The following TENM3 variants were observed in gnomAD, a reference collection of about 807,000 sequenced individuals.
The protein encoded by TENM3 is teneurin-3.
Under a neutral mutation model 255.1 loss-of-function variants are expected in TENM3, and 63 were observed. The ratio of observed to expected loss-of-function variants is 0.25; its 90% CI spans 0.20 to 0.30. The LOEUF is 0.30. TENM3 is among the 10% of genes least tolerant of loss of function. The pLI, the probability that TENM3 is intolerant of heterozygous loss-of-function variation, is 1.00. For synonymous variants in TENM3, 1,306 were observed against 1,322.3 expected (o/e 0.99, Z 0.27); for missense variants, 2,929 against 3,461.1 (o/e 0.85, Z 3.86).
the TENM3 span, among the ~76,000 whole-genome samples, chr4:181,786,126 C>T: frequency 2.0e-5 from 3 of 152,108 alleles, no homozygotes; most frequent in African/African-American, 7.2e-5. Flanking sequence ...CAGAAAAATC[C>T]CGTCTAAGAG....
intron 1 of TENM3, among the ~76,000 whole-genome samples, chr4:182,180,985 G>T (rs1325777719): frequency 6.6e-6 from 1 of 151,228 alleles, no homozygotes; most frequent in Non-Finnish European, 1.5e-5. Context: ...TTCTTCACTT[G>T]ATCACAGCCA....
the TENM3 span, among the ~76,000 whole-genome samples, chr4:181,919,890 C>A: frequency 1.7e-5 from 2 of 118,846 alleles, no homozygotes; most frequent in South Asian, 3.7e-4. Flanking sequence ...CCCCTCCCCC[C>A]ACCCCACAAC....
chr4:182,005,385 G>A, the TENM3 span, among the ~76,000 whole-genome samples: 1 of 152,142 alleles, frequency 6.6e-6, no homozygotes, highest in Non-Finnish European at 1.5e-5. Flanking sequence ...TTGTAGATGT[G>A]TGGTGTTATT....
intron 3 of TENM3, among the ~76,000 whole-genome samples, chr4:182,593,074 G>T (rs10002568): frequency 0.81 from 123,824 of 152,158 alleles, 50,526 homozygotes; most frequent in East Asian, 0.9. Context: ...TTCTCTTTTT[G>T]TCTTTGAGAG....
chr4:181,894,607 T>C, the TENM3 span, among the ~76,000 whole-genome samples: 12 of 152,148 alleles, frequency 7.9e-5, no homozygotes, highest in African/African-American at 2.9e-4. Context: ...TCGAACTTTT[T>C]CTTTTTTTAA....
chr4:182,377,336 C>A (rs6849492), intron 3 of TENM3, among the ~76,000 whole-genome samples: 1 of 152,028 alleles, frequency 6.6e-6, no homozygotes, highest in African/African-American at 2.4e-5. Context: ...TATTTTGAGA[C>A]AGAGTCTTGC....
the TENM3 span, among the ~76,000 whole-genome samples, chr4:182,001,252 ACT>A: frequency 1.3e-5 from 2 of 151,864 alleles, no homozygotes; most frequent in African/African-American, 2.4e-5. Flanking sequence ...TATAAAAAAA[ACT>A]CTACAAAATT....
intron 22 of TENM3, among the ~76,000 whole-genome samples, chr4:182,771,425 C>T (rs1444690108): frequency 6.6e-6 from 1 of 151,568 alleles, no homozygotes; most frequent in Non-Finnish European, 1.5e-5. Flanking sequence ...CAGTTATGGT[C>T]CAGTCAAGAG....
At chr4:182,652,080 CCA>C (rs1753360151) in intron 5 of TENM3, among the ~76,000 whole-genome samples, 1 of 152,078 alleles carries the variant, frequency 6.6e-6, no homozygotes, top group South Asian at 2.1e-4. Context: ...TATATTTTAT[CCA>C]CACAGTGTTT....
chr4:182,127,417 T>C, the TENM3 span, among the ~76,000 whole-genome samples: 15 of 152,342 alleles, frequency 9.8e-5, no homozygotes, highest in South Asian at 2.1e-3. Context: ...AAATATTTGA[T>C]GTCATGTTAA....
At chr4:182,042,062 A>C in the TENM3 span, among the ~76,000 whole-genome samples, 1 of 152,142 alleles carries the variant, frequency 6.6e-6, no homozygotes, top group South Asian at 2.1e-4. Flanking sequence ...AATGGATTAT[A>C]GAGTGTGTAT....
chr4:182,154,037 G>C (rs1372966877), intron 1 of TENM3, among the ~76,000 whole-genome samples: 1 of 151,950 alleles, frequency 6.6e-6, no homozygotes, highest in African/African-American at 2.4e-5. Context: ...GAAAAACAAT[G>C]ATACCTTCTA....
chr4:181,871,247 A>G, the TENM3 span, among the ~76,000 whole-genome samples: 2 of 152,142 alleles, frequency 1.3e-5, no homozygotes, highest in Non-Finnish European at 2.9e-5. Flanking sequence ...ACAATTCCAT[A>G]TATGGCTTAG....
At chr4:182,742,263 T>C (rs1022825234) in intron 18 of TENM3, among the ~76,000 whole-genome samples, 4 of 152,226 alleles carry the variant, frequency 2.6e-5, no homozygotes, top group African/African-American at 9.6e-5. Context: ...AAATATTTAA[T>C]ATTCATTTGG....
chr4:181,480,272 T>G, the TENM3 span, among the ~76,000 whole-genome samples: 2 of 152,166 alleles, frequency 1.3e-5, no homozygotes, highest in African/African-American at 4.8e-5. Flanking sequence ...TAGTTGCTCA[T>G]GCAGAAGGTC....
chr4:181,679,346 T>C, the TENM3 span, among the ~76,000 whole-genome samples: 8,405 of 151,806 alleles, frequency 0.055, 785 homozygotes, highest in African/African-American at 0.19. Context: ...GAATCTTTCA[T>C]TGATCAATTA....
At chr4:182,787,707 C>T (rs1765783365) in intron 24 of TENM3, among the ~76,000 whole-genome samples, 1 of 143,814 alleles carries the variant, frequency 7.0e-6, no homozygotes, top group Non-Finnish European at 1.5e-5. Flanking sequence ...TGTACTCCAG[C>T]CTGGGCGACA....
chr4:182,437,976 C>A (rs1297412637), intron 3 of TENM3, among the ~76,000 whole-genome samples: 1 of 151,744 alleles, frequency 6.6e-6, no homozygotes, highest in Non-Finnish European at 1.5e-5. Context: ...ATAAATAAAG[C>A]AACAGAAAAC....
At chr4:182,142,716 T>A (rs1749544485), upstream of TENM3, 1 of 165,368 alleles carries the variant, frequency 6.0e-6, no homozygotes. Flanking sequence ...GCAGGCCTGG[T>A]CGCGGGCTCC....
Sources: allele counts gnomAD v4.1 joint callset (sites outside exome capture counted in the v4.1 genomes callset), GRCh38; gene constraint gnomAD v4.1.1; transcripts MANE v1.5; gene names NCBI Gene and HGNC (gene_info 2026-07-23, HGNC 2026-07-21).